Variants in LYPLAL1 observed in about 807,000 individuals in gnomAD.
The protein encoded by LYPLAL1 is lysophospholipase like 1.
Under a neutral mutation model 19.7 loss-of-function variants are expected in LYPLAL1, and 23 were observed. The ratio of observed to expected loss-of-function variants is 1.17; its 90% CI spans 0.84 to 1.65. LYPLAL1 has a LOEUF of 1.65. Among genes scored for constraint, LYPLAL1 ranks in the 40% most tolerant of loss-of-function variants. The pLI, the probability that LYPLAL1 is intolerant of heterozygous loss-of-function variation, is 0.00. For synonymous variants in LYPLAL1, 119 were observed against 96.3 expected (o/e 1.24, Z -1.38); for missense variants, 355 against 279.4 (o/e 1.27, Z -1.93).
At position 219,211,561 on chromosome 1, in the gene LYPLAL1, C is replaced by G; in HGVS notation, c.547C>G (p.Leu183Val). Residue 183 changes from leucine (L) to valine (V), a missense_variant, in exon 5 of 5, where the codon CTT becomes GTT. Coordinates refer to ENST00000366928, the MANE Select transcript of LYPLAL1 (RefSeq NM_138794.5). Reference sequence around the variant, plus strand: ...TCATGGTACTGCAGATGAGTTAGTTCTTCATTCTTGGGCAGAAGAGACAAA... The same window carrying G: ...TCATGGTACTGCAGATGAGTTAGTTGTTCATTCTTGGGCAGAAGAGACAAA... Reference protein sequence around the residue: ...QCHGTADELVLHSWAEETNSM... With the variant: ...QCHGTADELVVHSWAEETNSM... 1 of 1,613,234 alleles carries G rather than the reference C, an allele frequency of 6.2e-7. No homozygotes were observed. The highest frequency in any genetic ancestry group is 8.5e-7 in the Non-Finnish European group (1 of 1,179,440).
intron 3 of LYPLAL1, among the ~76,000 whole-genome samples, chr1:219,210,080 C>A (rs944575477): frequency 3.9e-5 from 6 of 152,054 alleles, no homozygotes; most frequent in African/African-American, 1.4e-4. Context: ...ATTCACTAAG[C>A]ATCTATTATA....
chr1:219,326,695 G>A, the LYPLAL1 span, among the ~76,000 whole-genome samples: 1 of 152,164 alleles, frequency 6.6e-6, no homozygotes, highest in Non-Finnish European at 1.5e-5. Flanking sequence ...CAATTTGACA[G>A]TGAGAAGCTA....
chr1:219,411,453 G>C, the LYPLAL1 span, among the ~76,000 whole-genome samples: 1 of 152,074 alleles, frequency 6.6e-6, no homozygotes, highest in African/African-American at 2.4e-5. Flanking sequence ...TAATCTGATG[G>C]GGAGGTGGAG....
At chr1:219,421,277 T>C in the LYPLAL1 span, among the ~76,000 whole-genome samples, 1 of 152,152 alleles carries the variant, frequency 6.6e-6, no homozygotes, top group East Asian at 1.9e-4. Flanking sequence ...CAAAATGAAT[T>C]TTTAGCTATC....
the LYPLAL1 span, among the ~76,000 whole-genome samples, chr1:219,261,108 C>G: frequency 2.0e-5 from 3 of 152,040 alleles, no homozygotes; most frequent in Admixed American, 2.0e-4. Flanking sequence ...AAGGCATCGC[C>G]TTAAATATCT....
the LYPLAL1 span, among the ~76,000 whole-genome samples, chr1:219,339,571 C>T: frequency 2.6e-5 from 4 of 151,976 alleles, no homozygotes; most frequent in Admixed American, 6.6e-5. Context: ...TGGTGTCTAT[C>T]GTTTGCCAAG....
chr1:219,248,064 TAA>T, the LYPLAL1 span, among the ~76,000 whole-genome samples: 2 of 152,210 alleles, frequency 1.3e-5, no homozygotes, highest in African/African-American at 4.8e-5. Context: ...GTTTCATTGT[TAA>T]AGAGTCAAAT....
At chr1:219,402,912 A>C in the LYPLAL1 span, among the ~76,000 whole-genome samples, 1 of 152,186 alleles carries the variant, frequency 6.6e-6, no homozygotes, top group African/African-American at 2.4e-5. Context: ...TATTCCCAGG[A>C]ATCTATTTCT....
At chr1:219,417,558 T>C in the LYPLAL1 span, among the ~76,000 whole-genome samples, 5 of 152,344 alleles carry the variant, frequency 3.3e-5, no homozygotes, top group Admixed American at 3.3e-4. Flanking sequence ...CCAGAACCAC[T>C]GATGCATTAT....
the LYPLAL1 span, among the ~76,000 whole-genome samples, chr1:219,408,755 G>T: frequency 6.6e-6 from 1 of 152,096 alleles, no homozygotes; most frequent in Non-Finnish European, 1.5e-5. Flanking sequence ...TAATATTCTA[G>T]CTGGAAGAAA....
At chr1:219,385,756 A>G in the LYPLAL1 span, among the ~76,000 whole-genome samples, 1 of 152,208 alleles carries the variant, frequency 6.6e-6, no homozygotes, top group African/African-American at 2.4e-5. Context: ...TTAAGATGTA[A>G]TTGCACGCTG....
At chr1:219,232,420 A>G in the LYPLAL1 span, among the ~76,000 whole-genome samples, 15 of 152,202 alleles carry the variant, frequency 9.9e-5, no homozygotes, top group African/African-American at 3.6e-4. Context: ...TGAGGGCTAA[A>G]CTATAAAATT....
At chr1:219,379,766 T>A in the LYPLAL1 span, among the ~76,000 whole-genome samples, 1 of 152,248 alleles carries the variant, frequency 6.6e-6, no homozygotes, top group African/African-American at 2.4e-5. Flanking sequence ...ACTACCTTAA[T>A]GGAAGTGCAT....
the LYPLAL1 span, among the ~76,000 whole-genome samples, chr1:219,236,992 T>C: frequency 5.9e-4 from 54 of 92,194 alleles, no homozygotes; most frequent in African/African-American, 2.4e-3. Context: ...TGTTGTTTTT[T>C]TTGTTATTGT....
the LYPLAL1 span, among the ~76,000 whole-genome samples, chr1:219,382,420 C>T: frequency 5.9e-5 from 9 of 152,134 alleles, no homozygotes; most frequent in South Asian, 4.2e-4. Context: ...AATGCAGTGG[C>T]GCAATCTTGG....
At chr1:219,331,468 A>G in the LYPLAL1 span, among the ~76,000 whole-genome samples, 5 of 152,124 alleles carry the variant, frequency 3.3e-5, no homozygotes, top group African/African-American at 1.2e-4. Flanking sequence ...TATATTTCTC[A>G]TCTTCTTTGG....
the LYPLAL1 span, among the ~76,000 whole-genome samples, chr1:219,418,364 T>C: frequency 6.6e-6 from 1 of 152,212 alleles, no homozygotes; most frequent in Non-Finnish European, 1.5e-5. Flanking sequence ...CGTGTGGATA[T>C]TTCCATTAGG....
At chr1:219,205,737 G>A (rs953902649) in intron 3 of LYPLAL1, among the ~76,000 whole-genome samples, 1 of 152,122 alleles carries the variant, frequency 6.6e-6, no homozygotes, top group Non-Finnish European at 1.5e-5. Flanking sequence ...ACTTGTACAC[G>A]TTTTCTCTAT....
chr1:219,421,821 A>G, the LYPLAL1 span, among the ~76,000 whole-genome samples: 3 of 152,194 alleles, frequency 2.0e-5, no homozygotes, highest in African/African-American at 7.2e-5. Flanking sequence ...AAATAATTAA[A>G]TAAAGAATAT....
Sources: gnomAD v4.1 joint callset for allele counts (sites outside exome capture counted in the v4.1 genomes callset) on GRCh38, gnomAD v4.1.1 for gene constraint, MANE v1.5 for transcripts, NCBI Gene and HGNC (gene_info 2026-07-23, HGNC 2026-07-21) for gene names.